The following DIAPH2 variants were observed in gnomAD, a reference collection of about 807,000 sequenced individuals.
DIAPH2 encodes the protein protein diaphanous homolog 2.
A neutral mutation model predicts 92.7 loss-of-function variants in DIAPH2; 35 were observed. The ratio of observed to expected loss-of-function variants is 0.38; its 90% confidence interval spans 0.29 to 0.50. DIAPH2 has a LOEUF of 0.50. DIAPH2 is among the 20% of genes least tolerant of loss of function. The pLI is 0.94. For synonymous variants in DIAPH2, 301 were observed against 280.4 expected, an observed-to-expected ratio of 1.07 and a Z score of -0.73; for missense variants, 701 against 819.5, an observed-to-expected ratio of 0.86 and a Z score of 1.77.
chrX:97,456,387 AG>A (rs1363273309), intron 26 of DIAPH2, among the ~76,000 whole-genome samples: 1 of 110,254 alleles, frequency 9.1e-6, no homozygotes, highest in East Asian at 2.8e-4. Context: ...ACTCCGTCTC[AG>A]AAAAAAAAAA....
chrX:97,470,023 G>A (rs1490088582), intron 26 of DIAPH2, among the ~76,000 whole-genome samples: 1 of 112,039 alleles, frequency 8.9e-6, no homozygotes, highest in East Asian at 2.8e-4. Context: ...CAAGATGACT[G>A]TGTTGTGCAG....
intron 4 of DIAPH2, among the ~76,000 whole-genome samples, chrX:96,805,649 T>A (rs1193633772): frequency 9.0e-6 from 1 of 111,302 alleles, no homozygotes; most frequent in African/African-American, 3.3e-5. Context: ...GTACCTACCA[T>A]GCTGCCACGG....
intron 1 of DIAPH2, among the ~76,000 whole-genome samples, chrX:96,729,134 A>G (rs1051571546): frequency 4.5e-5 from 5 of 112,111 alleles, no homozygotes; most frequent in Non-Finnish European, 9.4e-5. Flanking sequence ...TGAGAGTCAG[A>G]TGGTTACATT....
intron 19 of DIAPH2, among the ~76,000 whole-genome samples, chrX:97,076,517 C>T (rs960732062): frequency 1.8e-5 from 2 of 110,431 alleles, no homozygotes; most frequent in African/African-American, 6.6e-5. Flanking sequence ...GGAGACAGAG[C>T]GAGACTCTGT....
chrX:96,999,100 A>C (rs781048856), intron 17 of DIAPH2, among the ~76,000 whole-genome samples: 1 of 111,925 alleles, frequency 8.9e-6, no homozygotes, highest in African/African-American at 3.2e-5. Context: ...CTACCTGCTC[A>C]GCTTCCCTAT....
At chrX:97,529,703 T>C (rs2071047225) in intron 26 of DIAPH2, among the ~76,000 whole-genome samples, 1 of 111,585 alleles carries the variant, frequency 9.0e-6, no homozygotes, top group Non-Finnish European at 1.9e-5. Flanking sequence ...TAAACTGATA[T>C]AGAAAGATGT....
intron 23 of DIAPH2, among the ~76,000 whole-genome samples, chrX:97,277,585 A>T (rs1370752288): frequency 1.8e-5 from 2 of 111,113 alleles, no homozygotes; most frequent in African/African-American, 6.5e-5. Context: ...TTGAGCCAGG[A>T]TAATGAATCT....
rs397896097 is a variant in DIAPH2, at chrX:97,507,141, C to CAAAAAAAAAA, written c.3241+77412_3241+77421dup. 2.3e-3 allele frequency among the ~76,000 whole-genome samples: 73 copies of CAAAAAAAAAA among 31,110 alleles called. 1 individual carries two copies. The highest frequency in any genetic ancestry group is 6.0e-3 in the African/African-American group (44 of 7,286). The allele number at this position is 31,110 out of a possible 115,157, so 27.0% of individuals were successfully genotyped here. A position where few individuals can be genotyped will look rare whatever the true frequency, so the allele number is the denominator to read the frequency against. The stretch of plus-strand genomic sequence containing the variant: ...AGGATACACCAGTGAACAAAACCGA[C>CAAAAAAAAAA]AAAAAAAAAAAAAAAAAAAAAAAAA... On this transcript the variant is annotated intron_variant, in intron 26 of 26. Transcript: ENST00000324765.
chrX:96,884,591 TTGA>T (rs2147751210), intron 5 of DIAPH2: 1 of 1,210,616 alleles, frequency 8.3e-7, no homozygotes, highest in Non-Finnish European at 1.1e-6. Flanking sequence ...TGTTACAAAA[TTGA>T]TGATATGACC....
intron 26 of DIAPH2, among the ~76,000 whole-genome samples, chrX:97,470,598 G>T (rs1359566638): frequency 9.2e-6 from 1 of 108,185 alleles, no homozygotes; most frequent in Non-Finnish European, 1.9e-5. Flanking sequence ...AATCCATTCA[G>T]AAATCATATT....
intron 4 of DIAPH2, among the ~76,000 whole-genome samples, chrX:96,812,606 T>C (rs2064693438): frequency 8.9e-6 from 1 of 111,962 alleles, no homozygotes; most frequent in African/African-American, 3.3e-5. Context: ...CTTTTAATTG[T>C]GATATTAGGG....
chrX:96,802,297 A>T (rs1210516110), intron 4 of DIAPH2, among the ~76,000 whole-genome samples: 1 of 112,154 alleles, frequency 8.9e-6, no homozygotes, highest in Non-Finnish European at 1.9e-5. Flanking sequence ...GGTCCCTGAC[A>T]CAGCTTTCGT....
In DIAPH2 at chrX:96,823,961, T is replaced by A. The variant is rs368690367; in HGVS notation, c.448-57618T>A. Among the ~76,000 whole-genome samples the A allele has an allele frequency of 8.2e-5, 4 of 48,892 alleles. No individual in the cohort carries two copies. In the Admixed American group the frequency reaches 1.0e-3, roughly 13 times the overall value. The allele number at this position is 48,892 out of a possible 115,157, so 42.5% of individuals were successfully genotyped here. A position where few individuals can be genotyped will look rare whatever the true frequency, so the allele number is the denominator to read the frequency against. On this transcript the variant is annotated intron_variant, in intron 4 of 26. Transcript: ENST00000324765. ...ATATATAAAGAAATATAAAGGTATA[T>A]ATATAAATAAAGAAATATATATATA...
At chrX:97,524,670 ATTG>A (rs1398726935) in intron 26 of DIAPH2, among the ~76,000 whole-genome samples, 3 of 112,134 alleles carry the variant, frequency 2.7e-5, no homozygotes, top group South Asian at 7.5e-4. Context: ...GTTGAAATTT[ATTG>A]TTGTTTTTGT....
At position 97,485,526 on chromosome X, in the gene DIAPH2, C is replaced by T. The variant is rs777939858; in HGVS notation, c.3241+55781C>T. On this transcript the variant is annotated intron_variant, in intron 26 of 26. Transcript: ENST00000324765. Reference sequence around the variant, plus strand: ...TTTGAAAATGTTATCAACTTTTGACCGTGATTGTATTCTCATTTTCCAAGG... The same window carrying T: ...TTTGAAAATGTTATCAACTTTTGACTGTGATTGTATTCTCATTTTCCAAGG... 2.1e-3 allele frequency among the ~76,000 whole-genome samples: 233 copies of T among 112,425 alleles called. 1 individual carries two copies. The highest frequency in any genetic ancestry group is 7.0e-3 in the African/African-American group (217 of 31,031).
rs1569436730 is a variant in DIAPH2 at position 96,962,476 on chromosome X, T to TAC, written c.1936-2616_1936-2615insCA. Among the ~76,000 whole-genome samples the TAC allele has an allele frequency of 2.5e-4, 6 of 23,788 alleles. No homozygotes were observed. In the South Asian group the frequency reaches 0.015, roughly 58 times the overall value. The allele number at this position is 23,788 out of a possible 115,157, so 20.7% of individuals were successfully genotyped here. On this transcript the variant is annotated intron_variant, in intron 16 of 26. Coordinates refer to ENST00000324765, the MANE Select transcript of DIAPH2 (RefSeq NM_006729.5). ...ACACACATATATATATACATATATA[T>TAC]ATACACACACACACACACACATATA...
chrX:97,543,930 A>G (rs745707274), intron 26 of DIAPH2, among the ~76,000 whole-genome samples: 20 of 112,499 alleles, frequency 1.8e-4, no homozygotes, highest in African/African-American at 6.1e-4. Context: ...AGAAATATTT[A>G]CATTGTATTC....
chrX:96,813,882 C>A (rs2064707741), intron 4 of DIAPH2, among the ~76,000 whole-genome samples: 1 of 112,188 alleles, frequency 8.9e-6, no homozygotes, highest in East Asian at 2.8e-4. Flanking sequence ...AGGATTTCTG[C>A]TGAAAGATCC....
At chrX:96,994,511 G>A in intron 17 of DIAPH2, among the ~76,000 whole-genome samples, 1 of 111,726 alleles carries the variant, frequency 9.0e-6, no homozygotes, top group East Asian at 2.8e-4. Flanking sequence ...TGGCTTTGAG[G>A]GAGAGGTTGG....
Sources: gnomAD v4.1 joint callset for allele counts (sites outside exome capture counted in the v4.1 genomes callset) on GRCh38, gnomAD v4.1.1 for gene constraint, MANE v1.5 for transcripts, NCBI Gene and HGNC (gene_info 2026-07-23, HGNC 2026-07-21) for gene names.